The following HAUS7 variants were observed in gnomAD, a reference collection of about 807,000 sequenced individuals.
HAUS7 encodes HAUS augmin like complex subunit 7, also known as HAUS augmin-like complex subunit 7.
A neutral mutation model predicts 28.4 loss-of-function variants in HAUS7; 3 were observed. The observed-to-expected ratio is 0.11, with a 90% CI of 0.05 to 0.27. HAUS7 has a LOEUF of 0.27. Ranked by LOEUF, HAUS7 falls within the 10% of genes least tolerant of loss-of-function variation. HAUS7 has a pLI of 1.00. For synonymous variants in HAUS7, 165 were observed against 132.1 expected (o/e 1.25, Z -1.71); for missense variants, 284 against 297.3 (o/e 0.96, Z 0.33).
At position 153,454,438 on chromosome X, in the gene HAUS7, C is replaced by A. The variant is rs782116125; in HGVS notation, c.1001G>T (p.Gly334Val). 252 of 1,153,413 alleles carry A rather than the reference C, an allele frequency of 2.2e-4. No individual in the cohort carries two copies. The highest frequency in any genetic ancestry group is 2.7e-4 in the Non-Finnish European group (234 of 857,256). The change falls in exon 9 of 10, where the codon GGC becomes GTC. Residue 334 changes from glycine to valine, a missense_variant. Transcript: ENST00000370211. ...KAVETVKKQQ[G>V]EQICWGGSSS... ...GCTGCCACCCCAGCAGATCTGCTCG[C>A]CTTGCTGCTTCTTCACGGTCTCCAC...
intron 1 of HAUS7, chrX:153,481,558 C>G (rs1455432962): frequency 1.3e-6 from 1 of 755,164 alleles, no homozygotes; most frequent in Non-Finnish European, 1.6e-6. Context: ...CTCGTGCCTC[C>G]TGGCCCAGGC....
intron 5 of HAUS7, chrX:153,456,918 T>C (rs2089320541): frequency 2.3e-6 from 1 of 437,973 alleles, no homozygotes; most frequent in Non-Finnish European, 4.0e-6. Context: ...ACCTTCATAC[T>C]CACCCCCGGG....
chrX:153,475,055 G>C (rs970876646), upstream of HAUS7, among the ~76,000 whole-genome samples: 18 of 112,398 alleles, frequency 1.6e-4, no homozygotes, highest in Admixed American at 1.7e-3. Context: ...CGAGCTCCCC[G>C]GCCGGGCCTG....
intron 8 of HAUS7, chrX:153,454,816 T>C (rs2124078599): frequency 6.3e-6 from 5 of 799,759 alleles, no homozygotes; most frequent in African/African-American, 2.1e-5. Flanking sequence ...GCCCCAGCAA[T>C]TGGCAAGGGG....
chrX:153,461,362 G>A (rs1474498088), intron 4 of HAUS7, among the ~76,000 whole-genome samples: 1 of 110,932 alleles, frequency 9.0e-6, no homozygotes, highest in Non-Finnish European at 1.9e-5. Context: ...TGTGACAAAG[G>A]AGCCCCCGTG....
At chrX:153,488,025 G>T (rs782543060) in intron 1 of HAUS7, among the ~76,000 whole-genome samples, 1 of 112,940 alleles carries the variant, frequency 8.9e-6, no homozygotes, top group African/African-American at 3.2e-5. Context: ...GGTCACAACC[G>T]CAGGGAACAC....
At chrX:153,490,718 C>G (rs941282075) in intron 1 of HAUS7, among the ~76,000 whole-genome samples, 18 of 112,726 alleles carry the variant, frequency 1.6e-4, no homozygotes, top group African/African-American at 5.8e-4. Context: ...AAGAGGTAAC[C>G]TCGATGTGTG....
chrX:153,465,158 C>T (rs1033927851), intron 2 of HAUS7, 103 bp from the exon 3 acceptor site: 68 of 506,087 alleles, frequency 1.3e-4, no homozygotes, highest in Non-Finnish European at 1.8e-4. Context: ...ACGTGCTCAA[C>T]GGCACGGAGC....
chrX:153,488,420 C>T (rs1220257092), intron 1 of HAUS7, among the ~76,000 whole-genome samples: 1 of 113,113 alleles, frequency 8.8e-6, no homozygotes. Context: ...GGCCTGGGAA[C>T]TGAGTCTCGC....
intron 1 of HAUS7, chrX:153,486,527 A>T: frequency 1.5e-6 from 1 of 650,783 alleles, no homozygotes. Flanking sequence ...GCTCGGTCTT[A>T]CTGCTTCTCT....
At chrX:153,469,300 C>T in intron 1 of HAUS7, 39 bp from the exon 2 acceptor site, 1 of 608,379 alleles carries the variant, frequency 1.6e-6, no homozygotes, top group Non-Finnish European at 2.8e-6. Flanking sequence ...ACTGAAAGTC[C>T]CAGTGTACAT....
rs1157711635 is a variant in HAUS7 at position 153,455,712 on chromosome X, G to A, written c.760C>T (p.Leu254=). ...GTGACCAGACGCAGCTTCTGGTCTA[G>A]GGTGCTGATGTCGGCTGCGCCCGCA... ...AAAGAADIST[L]DQKLRLVTSD... is the part of the protein sequence containing the mutation. The change falls in exon 8 of 10, where the codon CTA becomes TTA. Residue 254 remains leucine (L), a synonymous_variant. Transcript: ENST00000370211. The A allele has an allele frequency of 5.8e-6, 7 of 1,203,703 alleles. No individual in the cohort carries two copies. The Admixed American group carries it at 1.1e-4, about 19-fold the overall frequency.
chrX:153,479,240 C>A, intron 1 of HAUS7: 1 of 570,583 alleles, frequency 1.8e-6, no homozygotes, highest in Non-Finnish European at 2.1e-6. Context: ...CCTCTCCCAG[C>A]TCTCCTTCCC....
At chrX:153,466,572 T>C (rs2089457658) in intron 2 of HAUS7, among the ~76,000 whole-genome samples, 1 of 111,970 alleles carries the variant, frequency 8.9e-6, no homozygotes, top group Admixed American at 9.4e-5. Context: ...TAAATGGGGC[T>C]GACAGGGTGC....
At chrX:153,476,997 G>A (rs1386118122) in intron 1 of HAUS7, among the ~76,000 whole-genome samples, 1 of 112,863 alleles carries the variant, frequency 8.9e-6, no homozygotes, top group Non-Finnish European at 1.9e-5. Context: ...CACAATGGCC[G>A]GGTGCCCTGG....
At position 153,457,208 on chromosome X, in the gene HAUS7, C is replaced by T. The variant is rs1404813991; in HGVS notation, c.375G>A (p.Lys125=). 2 of 1,195,057 alleles carry T rather than the reference C, an allele frequency of 1.7e-6. No homozygotes were observed. The highest frequency in any genetic ancestry group is 2.3e-6 in the Non-Finnish European group (2 of 880,789). Residue 125 remains lysine (K), a synonymous_variant, in exon 5 of 10, where the codon AAG becomes AAA. Transcript: ENST00000370211. ...ELLKGCACAQ[K]QLHFMDQLLD... is the part of the protein sequence containing the mutation. ...GCAACTGGTCCATGAAGTGTAGCTG[C>T]TTCTGGGCGCAGGCACAGCCCTGGG...
At chrX:153,482,706 C>T in intron 1 of HAUS7, 1 of 756,671 alleles carries the variant, frequency 1.3e-6, no homozygotes, top group Non-Finnish European at 1.6e-6. Flanking sequence ...ACCCCTCTGC[C>T]CGCCTGCAGG....
At chrX:153,486,455 G>A (rs1217084967) in intron 1 of HAUS7, among the ~76,000 whole-genome samples, 1 of 112,461 alleles carries the variant, frequency 8.9e-6, no homozygotes, top group African/African-American at 3.2e-5. Flanking sequence ...GTTGGGAGGG[G>A]GCCAGGAGGC....
intron 4 of HAUS7, chrX:153,462,149 G>A (rs2089400837): frequency 3.9e-6 from 4 of 1,022,803 alleles, no homozygotes; most frequent in South Asian, 2.6e-5. Flanking sequence ...CATAATCATC[G>A]AGTGAAAACA....
Sources: gnomAD v4.1 joint callset for allele counts (sites outside exome capture counted in the v4.1 genomes callset) on GRCh38, gnomAD v4.1.1 for gene constraint, MANE v1.5 for transcripts, NCBI Gene and HGNC (gene_info 2026-07-23, HGNC 2026-07-21) for gene names.